Variants in PDE1A observed in about 807,000 individuals in gnomAD.
PDE1A encodes the protein dual specificity calcium/calmodulin-dependent 3',5'-cyclic nucleotide phosphodiesterase 1A.
A neutral mutation model predicts 61.7 loss-of-function variants in PDE1A; 35 were observed. The ratio of observed to expected loss-of-function variants is 0.57; its 90% CI spans 0.43 to 0.75. PDE1A has a LOEUF of 0.75. PDE1A is among the 30% of genes least tolerant of loss of function. The pLI, the probability that PDE1A is intolerant of heterozygous loss-of-function variation, is 0.00. For missense variants in PDE1A, 597 were observed against 630.6 expected (o/e 0.95, Z 0.57); for synonymous variants, 232 against 213.2 (o/e 1.09, Z -0.77).
chr2:182,195,739 G>T (rs1686085347), intron 10 of PDE1A, among the ~76,000 whole-genome samples: 1 of 152,064 alleles, frequency 6.6e-6, no homozygotes, highest in Non-Finnish European at 1.5e-5. Flanking sequence ...TGTCCGAGAT[G>T]AAAAACCCAG....
chr2:182,374,782 A>T (rs1700301898), intron 1 of PDE1A, among the ~76,000 whole-genome samples: 1 of 152,350 alleles, frequency 6.6e-6, no homozygotes, highest in Non-Finnish European at 1.5e-5. Context: ...CCACTTTTGT[A>T]TTAGTCTGTT....
chr2:182,292,843 A>G (rs1348139768), intron 1 of PDE1A, among the ~76,000 whole-genome samples: 2 of 152,022 alleles, frequency 1.3e-5, no homozygotes, highest in African/African-American at 4.8e-5. Flanking sequence ...AAATATCTGT[A>G]TATATAGCAT....
At chr2:182,541,167 C>T in the PDE1A span, among the ~76,000 whole-genome samples, 1 of 152,146 alleles carries the variant, frequency 6.6e-6, no homozygotes, top group Non-Finnish European at 1.5e-5. Flanking sequence ...TCACTACTAA[C>T]CTCACATGAT....
chr2:182,275,922 T>C (rs989670454), intron 1 of PDE1A, among the ~76,000 whole-genome samples: 4 of 152,148 alleles, frequency 2.6e-5, no homozygotes, highest in African/African-American at 9.6e-5. Context: ...ACTAATACTT[T>C]TACCTTTGGA....
intron 2 of PDE1A, among the ~76,000 whole-genome samples, chr2:182,250,857 A>G (rs145228592): frequency 6.6e-6 from 1 of 152,264 alleles, no homozygotes; most frequent in East Asian, 1.9e-4. Context: ...TAGGAAGCAA[A>G]GGTGGAGGCA....
chr2:182,198,664 C>T (rs1686345221), intron 10 of PDE1A, among the ~76,000 whole-genome samples: 1 of 151,546 alleles, frequency 6.6e-6, no homozygotes, highest in Non-Finnish European at 1.5e-5. Context: ...TAAACTGACT[C>T]AAGTTATGAT....
the PDE1A span, among the ~76,000 whole-genome samples, chr2:182,607,798 A>G: frequency 6.6e-6 from 1 of 152,240 alleles, no homozygotes; most frequent in Non-Finnish European, 1.5e-5. Context: ...TTACTTAGGA[A>G]GTGACCTTGG....
At chr2:182,519,321 A>G (rs1183511550) in intron 2 of PDE1A, among the ~76,000 whole-genome samples, 1 of 152,088 alleles carries the variant, frequency 6.6e-6, no homozygotes, top group Non-Finnish European at 1.5e-5. Context: ...ACCTGATGCC[A>G]TAGTTATTTG....
intron 2 of PDE1A, among the ~76,000 whole-genome samples, chr2:182,490,403 G>A (rs964808086): frequency 6.6e-6 from 1 of 152,082 alleles, no homozygotes; most frequent in African/African-American, 2.4e-5. Context: ...ACGGAGTCTC[G>A]CTCTTTCGCC....
At chr2:182,165,348 G>C (rs1691600400), downstream of PDE1A, among the ~76,000 whole-genome samples, 1 of 152,078 alleles carries the variant, frequency 6.6e-6, no homozygotes. Flanking sequence ...AACTGAACTG[G>C]GAATTAAAAC....
downstream of PDE1A, among the ~76,000 whole-genome samples, chr2:182,164,891 T>C (rs1469274753): frequency 6.6e-6 from 1 of 152,152 alleles, no homozygotes; most frequent in African/African-American, 2.4e-5. Flanking sequence ...TGTAAACTTA[T>C]GTAATGACTT....
At chr2:182,711,472 TGTGA>T in the PDE1A span, among the ~76,000 whole-genome samples, 2 of 152,014 alleles carry the variant, frequency 1.3e-5, no homozygotes, top group African/African-American at 2.4e-5. Flanking sequence ...GGTGTATATG[TGTGA>T]GTATGTGTGT....
At chr2:182,213,887 G>A (rs1188638590) in intron 7 of PDE1A, among the ~76,000 whole-genome samples, 3 of 120,994 alleles carry the variant, frequency 2.5e-5, no homozygotes, top group Non-Finnish European at 1.7e-5. Context: ...AGCAAGGCAG[G>A]CCAACGTTCA....
At chr2:182,627,374 TTATTA>T in the PDE1A span, among the ~76,000 whole-genome samples, 1 of 121,252 alleles carries the variant, frequency 8.2e-6, no homozygotes, top group Non-Finnish European at 1.6e-5. Context: ...TATTTAATAT[TTATTA>T]TATAATATAT....
At chr2:182,170,543 T>C (rs1692109946) in intron 13 of PDE1A, among the ~76,000 whole-genome samples, 1 of 152,046 alleles carries the variant, frequency 6.6e-6, no homozygotes, top group Non-Finnish European at 1.5e-5. Flanking sequence ...CGCATAGCTA[T>C]ACCATATAAT....
chr2:182,608,944 G>A, the PDE1A span, among the ~76,000 whole-genome samples: 1 of 152,156 alleles, frequency 6.6e-6, no homozygotes, highest in Non-Finnish European at 1.5e-5. Context: ...CTAGCTCAAG[G>A]TTTGTAAACA....
At chr2:182,372,376 A>ATGATAATTG in intron 1 of PDE1A, among the ~76,000 whole-genome samples, 1 of 152,324 alleles carries the variant, frequency 6.6e-6, no homozygotes, top group Non-Finnish European at 1.5e-5. Context: ...GATAAATAAA[A>ATGATAATTG]TGATAATTGT....
At chr2:182,495,738 T>G (rs1412007576) in intron 2 of PDE1A, among the ~76,000 whole-genome samples, 2 of 152,146 alleles carry the variant, frequency 1.3e-5, no homozygotes, top group Non-Finnish European at 2.9e-5. Context: ...GAATTTGAGT[T>G]TGAGACGCCT....
chr2:182,156,095 C>A (rs1691067104), intron 13 of PDE1A, among the ~76,000 whole-genome samples: 1 of 152,120 alleles, frequency 6.6e-6, no homozygotes, highest in South Asian at 2.1e-4. Context: ...GAGGCCTCAC[C>A]AGCCATATCA....
Sources: allele counts gnomAD v4.1 joint callset (sites outside exome capture counted in the v4.1 genomes callset), GRCh38; gene constraint gnomAD v4.1.1; transcripts MANE v1.5; gene names NCBI Gene and HGNC (gene_info 2026-07-23, HGNC 2026-07-21).